The following DDX54 variants were observed in gnomAD, a reference collection of about 807,000 sequenced individuals.
The protein encoded by DDX54 is DEAD-box helicase 54.
DDX54 carries 67 observed loss-of-function variants against 105.5 expected under a neutral mutation model. The ratio of observed to expected loss-of-function variants is 0.64; its 90% CI spans 0.52 to 0.78. DDX54 has a LOEUF of 0.78. Among genes scored for constraint, DDX54 ranks in the 30% least tolerant of loss-of-function variants. The pLI, the probability that DDX54 is intolerant of heterozygous loss-of-function variation, is 0.00. For missense variants in DDX54, 1,206 were observed against 1,230.5 expected, an observed-to-expected ratio of 0.98 and a Z score of 0.30; for synonymous variants, 514 against 509.9, an observed-to-expected ratio of 1.01 and a Z score of -0.11.
At chr12:113,181,112 G>T (rs761656747) in intron 1 of DDX54, 54 bp from the exon 2 acceptor site, 1 of 1,575,450 alleles carries the variant, frequency 6.3e-7, no homozygotes, top group Non-Finnish European at 8.6e-7. Flanking sequence ...GGGACCACAG[G>T]GGGCAGGGAA....
Position 113,182,932 on chromosome 12 carries a change from G to A in DDX54, c.175-1874C>T, listed in dbSNP as rs75096437. On this transcript the variant is annotated intron_variant, in intron 1 of 19. Transcript: ENST00000306014. ...TCAGTCTCCCAGGCTGGAGTGCAGT[G>A]GGGCAATCACGGCTCACCTAGCTCA... 6.4e-3 allele frequency among the ~76,000 whole-genome samples: 961 copies of A among 149,650 alleles called. 18 individuals are homozygous for A. The highest frequency in any genetic ancestry group is 0.022 in the African/African-American group (872 of 40,554).
intron 19 of DDX54, among the ~76,000 whole-genome samples, chr12:113,160,567 G>A (rs969859223): frequency 6.6e-6 from 1 of 152,296 alleles, no homozygotes; most frequent in East Asian, 1.9e-4. Flanking sequence ...AGACAGAGCC[G>A]GCTTCAAATC....
In DDX54 at chr12:113,164,231, C is replaced by T. The variant is rs201522087; in HGVS notation, c.1774G>A (p.Ala592Thr). Residue 592 changes from alanine to threonine, a missense_variant, in exon 15 of 20, where the codon GCC becomes ACC. Physicochemically the swap from Ala to Thr is moderately conservative, Grantham distance 58. Transcript: ENST00000306014. ...SRDLCSQVMR[A>T]KRQKDRKAIA... ...GCCTTGCGGTCCTTCTGCCGCTTGG[C>T]GCGCATCACCTGGCTGCACAGGTCT... 318 of 1,593,024 alleles carry T rather than the reference C, an allele frequency of 2.0e-4. 1 individual carries two copies. The Middle Eastern group carries it at 2.3e-3, about 12-fold the overall frequency.
rs762250710 is a variant in DDX54 at position 113,185,411 on chromosome 12, C to G, written c.41G>C (p.Arg14Pro). 39 of 1,535,416 alleles carry G rather than the reference C, an allele frequency of 2.5e-5. No homozygotes were observed. The East Asian group carries it at 8.9e-4, about 35-fold the overall frequency. Residue 14 changes from arginine to proline, a missense_variant, in exon 1 of 20, where the codon CGA becomes CCA. Arg to Pro is a moderately radical substitution (Grantham distance 103). Around this residue, in one of 3 missense-constraint regions of DDX54, gnomAD observed 212 missense variants for 155.4 expected, o/e 1.36. Coordinates refer to ENST00000306014, the MANE Select transcript of DDX54 (RefSeq NM_024072.4). Reference protein sequence around the residue: ...DKGPAAGPRSRAAMAQWRKKK... With the variant: ...DKGPAAGPRSPAAMAQWRKKK... ...CTTCCTCCACTGGGCCATGGCAGCTCGCGACCGAGGTCCAGCCGCCGGGCC... is the reference window on the plus strand; with the variant it reads ...CTTCCTCCACTGGGCCATGGCAGCTGGCGACCGAGGTCCAGCCGCCGGGCC...
rs1952420734 is a variant in DDX54 at position 113,177,758 on chromosome 12, T to G, written c.615-665A>C. Among the ~76,000 whole-genome samples, 3 of 152,186 alleles carry G rather than the reference T, an allele frequency of 2.0e-5. No homozygotes were observed. The South Asian group carries it at 6.2e-4, about 31-fold the overall frequency. On this transcript the variant is annotated intron_variant, in intron 5 of 19. Coordinates refer to ENST00000306014, the MANE Select transcript of DDX54 (RefSeq NM_024072.4). Reference sequence around the variant, plus strand: ...CATGGAATGAGGCAGGAGACTGGATTCTGATCCCAGCTCTACTATGGAATC... The same window carrying G: ...CATGGAATGAGGCAGGAGACTGGATGCTGATCCCAGCTCTACTATGGAATC...
intron 19 of DDX54, among the ~76,000 whole-genome samples, chr12:113,160,882 A>T (rs1952195249): frequency 6.6e-6 from 1 of 152,214 alleles, no homozygotes; most frequent in Non-Finnish European, 1.5e-5. Flanking sequence ...CTGCATTTGC[A>T]CAAGGTTCCA....
At chr12:113,161,629 G>GC (rs1952208338) in intron 18 of DDX54, 1 of 549,324 alleles carries the variant, frequency 1.8e-6, no homozygotes, top group Non-Finnish European at 3.2e-6. Context: ...CCCAGCACAG[G>GC]CCCCACTTAC....
At chr12:113,159,188 C>A (rs1202504430) in intron 19 of DDX54, 79 bp from the exon 20 acceptor site, 2 of 1,410,784 alleles carry the variant, frequency 1.4e-6, no homozygotes, top group Admixed American at 2.1e-5. Flanking sequence ...TTGCAGACTC[C>A]TCCCCTGCCC....
intron 10 of DDX54, 127 bp from the exon 11 acceptor site, chr12:113,172,690 C>T (rs1404156188): frequency 8.4e-7 from 1 of 1,185,026 alleles, no homozygotes; most frequent in Admixed American, 2.2e-5. Context: ...GAGTCTGGCA[C>T]CCTTGGTCTG....
intron 18 of DDX54, 132 bp from the exon 19 acceptor site, chr12:113,161,514 C>T: frequency 1.5e-6 from 1 of 676,062 alleles, no homozygotes; most frequent in Non-Finnish European, 2.5e-6. Flanking sequence ...CCCCAGCACA[C>T]AGGTCCCACT....
In DDX54 at chr12:113,157,850, A is replaced by G; in HGVS notation, c.*1027T>C. 1.6e-6 allele frequency: 1 copy of G among 625,524 alleles called. No individual in the cohort carries two copies. The highest frequency in any genetic ancestry group is 2.8e-5 in the East Asian group (1 of 36,320). 38.7% of individuals were successfully genotyped at this position (625,524 alleles called of 1,614,324 possible). A position where few individuals can be genotyped will look rare whatever the true frequency, so the allele number is the denominator to read the frequency against. ...GTGCTGTGGGCCTGCCATGAGGGGC[A>G]CATAGCAAGCACTCCATAAATGCAG... On this transcript the variant is annotated 3_prime_UTR_variant, in exon 20 of 20. Transcript: ENST00000306014.
At chr12:113,161,575 T>C in intron 18 of DDX54, 193 bp from the exon 19 acceptor site, 1 of 505,852 alleles carries the variant, frequency 2.0e-6, no homozygotes, top group Non-Finnish European at 3.4e-6. Context: ...CAGCACCAGG[T>C]CCCACTTATT....
At chr12:113,174,806 G>A (rs745743241) in intron 9 of DDX54, 35 bp from the exon 10 acceptor site, 2 of 1,614,192 alleles carry the variant, frequency 1.2e-6, no homozygotes, top group East Asian at 2.2e-5. Context: ...TGGCTTACGG[G>A]GTCCTGGCCC....
At chr12:113,166,755 T>G (rs1952282492) in intron 12 of DDX54, among the ~76,000 whole-genome samples, 1 of 151,868 alleles carries the variant, frequency 6.6e-6, no homozygotes, top group Non-Finnish European at 1.5e-5. Context: ...CTTTGCTGAC[T>G]CCAGCATTAG....
At chr12:113,161,847 G>A (rs376418298) in intron 18 of DDX54, 46 bp downstream of exon 18, 7 of 1,419,306 alleles carry the variant, frequency 4.9e-6, no homozygotes, top group African/African-American at 3.0e-5. Flanking sequence ...TGCTCCTGCT[G>A]AAGCTCCTCG....
intron 14 of DDX54, among the ~76,000 whole-genome samples, chr12:113,164,895 C>T (rs1396874841): frequency 1.4e-5 from 2 of 147,856 alleles, no homozygotes; most frequent in African/African-American, 2.5e-5. Context: ...GGTGTGGTGG[C>T]ATGCACCTGT....
intron 1 of DDX54, among the ~76,000 whole-genome samples, chr12:113,183,166 C>A (rs551057762): frequency 6.6e-6 from 1 of 152,216 alleles, no homozygotes; most frequent in African/African-American, 2.4e-5. Context: ...GGCCAACAAC[C>A]TTTGAAACAT....
In DDX54 at chr12:113,158,970, A is replaced by G. The variant is rs761286374; in HGVS notation, c.2553T>C (p.Ser851=). ...FLQRGGLKQL[S]ARNRRRVQEL... Reference sequence around the variant, plus strand: ...CCTGGACGCGGCGGCGGTTGCGGGCAGAGAGCTGCTTGAGGCCACCACGCT... The same window carrying G: ...CCTGGACGCGGCGGCGGTTGCGGGCGGAGAGCTGCTTGAGGCCACCACGCT... Residue 851 remains serine (S), a synonymous_variant, in exon 20 of 20, where the codon TCT becomes TCC. Transcript: ENST00000306014. The surrounding 1 kb of genome is among the most constrained non-coding windows in gnomAD (Gnocchi z 4.9). 2.5e-6 allele frequency: 4 copies of G among 1,611,460 alleles called. No individual in the cohort carries two copies. Among genetic ancestry groups the G allele is most frequent in the Non-Finnish European group, 3.4e-6 (4 of 1,179,148 alleles).
intron 12 of DDX54, 39 bp from the exon 13 acceptor site, chr12:113,166,071 C>A: frequency 1.3e-6 from 2 of 1,528,272 alleles, no homozygotes; most frequent in Admixed American, 1.9e-5. Flanking sequence ...GTCTTTCAGC[C>A]TGGCCCGCCT....
Sources: allele counts gnomAD v4.1 joint callset (sites outside exome capture counted in the v4.1 genomes callset), GRCh38; gene constraint gnomAD v4.1.1; regional missense constraint gnomAD v4.1.1; non-coding constraint Gnocchi (gnomAD v3.1); transcripts MANE v1.5; gene names NCBI Gene and HGNC (gene_info 2026-07-23, HGNC 2026-07-21).